Variants in WDR25 observed in about 807,000 individuals in gnomAD.
WDR25 encodes the protein WD repeat-containing protein 25.
In WDR25, 35 loss-of-function variants were observed where a neutral mutation model predicts 47.7. The ratio of observed to expected loss-of-function variants is 0.73; its 90% CI spans 0.56 to 0.97. WDR25 has a LOEUF of 0.97. Among genes scored for constraint, WDR25 ranks in the 50% least tolerant of loss-of-function variants. The pLI, the probability that WDR25 is intolerant of heterozygous loss-of-function variation, is 0.00. For synonymous variants in WDR25, 248 were observed against 278.9 expected, an observed-to-expected ratio of 0.89 and a Z score of 1.10; for missense variants, 634 against 704.7, an observed-to-expected ratio of 0.90 and a Z score of 1.14.
intron 4 of WDR25, among the ~76,000 whole-genome samples, chr14:100,508,342 C>A (rs1901186216): frequency 6.6e-6 from 1 of 152,126 alleles, no homozygotes; most frequent in African/African-American, 2.4e-5. Context: ...AAACTGGAAG[C>A]ATTCCCCTTG....
intron 4 of WDR25, among the ~76,000 whole-genome samples, chr14:100,493,931 CT>C (rs1453876686): frequency 6.6e-6 from 1 of 152,222 alleles, no homozygotes; most frequent in African/African-American, 2.4e-5. Context: ...AGACAGATGA[CT>C]GTTTGCAAAC....
chr14:100,482,148 C>A (rs1048099786), intron 3 of WDR25, among the ~76,000 whole-genome samples: 1 of 151,820 alleles, frequency 6.6e-6, no homozygotes, highest in Admixed American at 6.6e-5. Context: ...CATCTAGGTC[C>A]GGGCATCTCT....
At chr14:100,503,942 T>C (rs556763718) in intron 4 of WDR25, among the ~76,000 whole-genome samples, 1 of 152,226 alleles carries the variant, frequency 6.6e-6, no homozygotes, top group Non-Finnish European at 1.5e-5. Context: ...CTTTTTATTA[T>C]TGAAAAATGT....
At chr14:100,513,171 C>A (rs1901366191) in intron 4 of WDR25, among the ~76,000 whole-genome samples, 2 of 152,120 alleles carry the variant, frequency 1.3e-5, no homozygotes, top group Non-Finnish European at 2.9e-5. Flanking sequence ...CTGTGCTATA[C>A]TTTGAACGTA....
chr14:100,521,376 A>G (rs2029875821), intron 4 of WDR25, among the ~76,000 whole-genome samples: 1 of 152,062 alleles, frequency 6.6e-6, no homozygotes, highest in South Asian at 2.1e-4. Flanking sequence ...TCCACCTCTA[A>G]CCCTGTCTCC....
At chr14:100,380,761 T>G in intron 1 of WDR25, 149 bp from the exon 2 acceptor site, 1 of 721,908 alleles carries the variant, frequency 1.4e-6, no homozygotes, top group Non-Finnish European at 2.3e-6. Flanking sequence ...CCTGAAGTGC[T>G]GGGATTACAG....
intron 2 of WDR25, among the ~76,000 whole-genome samples, chr14:100,445,772 C>T (rs1267255965): frequency 6.6e-6 from 1 of 152,136 alleles, no homozygotes; most frequent in African/African-American, 2.4e-5. Flanking sequence ...TGTTTGGAAG[C>T]GTCTGGGAGA....
chr14:100,523,016 T>C lies in WDR25; in HGVS notation c.1102-2854T>C, dbSNP rs1450942977. Among the ~76,000 whole-genome samples the C allele has an allele frequency of 2.6e-5, 4 of 152,236 alleles. No individual in the cohort carries two copies. The highest frequency in any genetic ancestry group is 5.9e-5 in the Non-Finnish European group (4 of 68,042). On this transcript the variant is annotated intron_variant, in intron 4 of 6. Transcript: ENST00000402312. The surrounding 1 kb of genome is among the most constrained non-coding windows in gnomAD (Gnocchi z 4.7). Reference sequence around the variant, plus strand: ...GCCAGGGGAAGGACCTGTGAGTGAATGTCATCTCACCCGGGGGTCCTGGGA... The same window carrying C: ...GCCAGGGGAAGGACCTGTGAGTGAACGTCATCTCACCCGGGGGTCCTGGGA...
intron 2 of WDR25, among the ~76,000 whole-genome samples, chr14:100,409,954 C>T (rs892435150): frequency 2.7e-4 from 41 of 152,274 alleles, no homozygotes; most frequent in African/African-American, 9.9e-4. Context: ...TTTTCCCTCT[C>T]ATTGGTTTTG....
At chr14:100,421,050 G>A (rs1169423593) in intron 2 of WDR25, among the ~76,000 whole-genome samples, 3 of 152,192 alleles carry the variant, frequency 2.0e-5, no homozygotes, top group African/African-American at 7.2e-5. Flanking sequence ...GAAGAAATAT[G>A]ATTATTTTTC....
intron 5 of WDR25, among the ~76,000 whole-genome samples, chr14:100,527,069 TACC>T (rs2030207606): frequency 2.7e-5 from 4 of 146,752 alleles, no homozygotes; most frequent in Admixed American, 1.4e-4. Flanking sequence ...TCTCCGTCAC[TACC>T]ACCAACTGTA....
intron 4 of WDR25, among the ~76,000 whole-genome samples, chr14:100,509,626 TTTAAG>T (rs1901233725): frequency 6.6e-6 from 1 of 152,190 alleles, no homozygotes; most frequent in Non-Finnish European, 1.5e-5. Flanking sequence ...AAATGTACAG[TTTAAG>T]TTTTCATATA....
chr14:100,471,742 G>GT (rs1899843876), intron 3 of WDR25, among the ~76,000 whole-genome samples: 1 of 152,188 alleles, frequency 6.6e-6, no homozygotes, highest in Non-Finnish European at 1.5e-5. Flanking sequence ...TGTGGATTCT[G>GT]TAATGTCAAT....
intron 2 of WDR25, among the ~76,000 whole-genome samples, chr14:100,393,059 G>A (rs1030042141): frequency 2.0e-5 from 3 of 152,222 alleles, no homozygotes; most frequent in South Asian, 2.1e-4. Flanking sequence ...GAAGCCCCAA[G>A]GGGGCAAAGG....
In WDR25 at chr14:100,530,163, C is replaced by T; in HGVS notation, c.*122C>T. ...GGGTCCTGGGTACCACCTTCTGAGC[C>T]TCAGTTTCCTCATCTGTAAAGTGGG... On this transcript the variant is annotated 3_prime_UTR_variant, in exon 7 of 7. Coordinates refer to ENST00000402312, the MANE Select transcript of WDR25 (RefSeq NM_001161476.3). 4 of 944,924 alleles carry T rather than the reference C, an allele frequency of 4.2e-6. No individual in the cohort carries two copies. In the South Asian group the frequency reaches 6.7e-5, roughly 16 times the overall value. The allele number at this position is 944,924 out of a possible 1,614,324, so 58.5% of individuals were successfully genotyped here. A position where few individuals can be genotyped will look rare whatever the true frequency, so the allele number is the denominator to read the frequency against.
chr14:100,380,934 A>T lies in WDR25; in HGVS notation c.10A>T (p.Arg4Ter). 1 of 1,611,944 alleles carries T rather than the reference A, an allele frequency of 6.2e-7. No individual in the cohort carries two copies. The highest frequency in any genetic ancestry group is 8.5e-7 in the Non-Finnish European group (1 of 1,178,072). MTA[R>*]TLSLMASLVA... ...GGTGGTTTGGCTTTGAATGACAGCA[A>T]GAACTCTGTCTTTAATGGCTTCATT... The change falls in exon 2 of 7, where the codon AGA (arginine) becomes TGA (stop). Residue 4 changes from arginine (R) to a stop codon, truncating the protein, a stop_gained. Transcript: ENST00000402312. LOFTEE classifies it high-confidence loss of function.
At chr14:100,439,909 G>A (rs1278028976) in intron 2 of WDR25, among the ~76,000 whole-genome samples, 5 of 152,302 alleles carry the variant, frequency 3.3e-5, no homozygotes, top group South Asian at 4.1e-4. Flanking sequence ...CAGCGCTCTC[G>A]TGTGACGTGG....
At chr14:100,501,270 T>G (rs1041131806) in intron 4 of WDR25, among the ~76,000 whole-genome samples, 6 of 152,174 alleles carry the variant, frequency 3.9e-5, no homozygotes, top group Non-Finnish European at 7.4e-5. Context: ...GTAAGGCACC[T>G]AGCAAGACAG....
At chr14:100,399,941 G>C (rs1317984102) in intron 2 of WDR25, among the ~76,000 whole-genome samples, 1 of 152,232 alleles carries the variant, frequency 6.6e-6, no homozygotes, top group African/African-American at 2.4e-5. Context: ...GGTGCTGCAG[G>C]TTCCAGGAAT....
Sources: gnomAD v4.1 joint callset for allele counts (sites outside exome capture counted in the v4.1 genomes callset) on GRCh38, gnomAD v4.1.1 for gene constraint, Gnocchi (gnomAD v3.1) non-coding constraint, MANE v1.5 for transcripts, NCBI Gene and HGNC (gene_info 2026-07-23, HGNC 2026-07-21) for gene names.